RCL1: variants seen among roughly 807,000 people sequenced by gnomAD.
The protein encoded by RCL1 is RNA 3'-terminal phosphate cyclase-like protein.
RCL1 carries 24 observed loss-of-function variants against 42.4 expected under a neutral mutation model. The observed-to-expected ratio is 0.57, with a 90% CI of 0.41 to 0.80. RCL1 has a LOEUF of 0.80. Among genes scored for constraint, RCL1 ranks in the 30% least tolerant of loss-of-function variants. The pLI, the probability that RCL1 is intolerant of heterozygous loss-of-function variation, is 0.00. For synonymous variants in RCL1, 228 were observed against 177.3 expected (o/e 1.29, Z -2.27); for missense variants, 578 against 467.9 (o/e 1.24, Z -2.17).
chr9:4,793,897 C>A (rs17661798), intron 1 of RCL1, among the ~76,000 whole-genome samples: 7,361 of 152,296 alleles, frequency 0.048, 265 homozygotes, highest in Admixed American at 0.075. Flanking sequence ...CGGTGACAAT[C>A]GCTAAACTGC....
rs139360857 is a variant in RCL1, at chr9:4,811,701, C to T, written c.137-11847C>T. On this transcript the variant is annotated intron_variant, in intron 1 of 8. Coordinates refer to ENST00000381750, the MANE Select transcript of RCL1 (RefSeq NM_005772.5). The stretch of plus-strand genomic sequence containing the variant: ...TATCTCATTGACATTGATTTCTTTC[C>T]TTTTGGTATATACCTAGTAATGGGA... Among the ~76,000 whole-genome samples, 870 of 152,206 alleles carry T rather than the reference C, an allele frequency of 5.7e-3. 15 individuals carry two copies. The highest frequency in any genetic ancestry group is 0.041 in the Admixed American group (628 of 15,282).
intron 3 of RCL1, among the ~76,000 whole-genome samples, chr9:4,830,518 G>C (rs1816909639): frequency 6.6e-6 from 1 of 152,166 alleles, no homozygotes; most frequent in Admixed American, 6.5e-5. Context: ...AGAAGTTTTA[G>C]AAGGTCTCCT....
intron 2 of RCL1, among the ~76,000 whole-genome samples, chr9:4,824,294 C>G (rs1316385947): frequency 6.6e-6 from 1 of 151,922 alleles, no homozygotes; most frequent in Non-Finnish European, 1.5e-5. Context: ...TAGCCACTGT[C>G]ACAGCATTTG....
At chr9:4,814,946 A>G (rs570587460) in intron 1 of RCL1, among the ~76,000 whole-genome samples, 3 of 151,614 alleles carry the variant, frequency 2.0e-5, no homozygotes, top group South Asian at 2.1e-4. Context: ...TTATTCTCTC[A>G]TGGTCTATAA....
At chr9:4,816,637 A>C (rs1816387664) in intron 1 of RCL1, among the ~76,000 whole-genome samples, 1 of 152,102 alleles carries the variant, frequency 6.6e-6, no homozygotes, top group Non-Finnish European at 1.5e-5. Flanking sequence ...TAATCACAGT[A>C]GTAATTTTAA....
Position 4,793,027 on chromosome 9 carries a change from C to G in RCL1, c.-65C>G. On this transcript the variant is annotated 5_prime_UTR_variant, in exon 1 of 9. Transcript: ENST00000381750. ...GCCGCCACCACCACCATCGGAGTCA[C>G]GAGTCCCGCGTCTGTCCGAAGTCGC... is the stretch of plus-strand genomic sequence containing the variant. 1.3e-6 allele frequency: 2 copies of G among 1,539,802 alleles called. No individual in the cohort carries two copies. Among genetic ancestry groups the G allele is most frequent in the East Asian group, 2.5e-5 (1 of 40,664 alleles).
At chr9:4,823,734 C>A in intron 2 of RCL1, 115 bp downstream of exon 2, 1 of 668,206 alleles carries the variant, frequency 1.5e-6, no homozygotes, top group Non-Finnish European at 2.6e-6. Context: ...CCAAATCACT[C>A]TTTTTAATGG....
intron 8 of RCL1, among the ~76,000 whole-genome samples, chr9:4,855,781 G>A (rs117137578): frequency 0.018 from 2,780 of 152,254 alleles, 21 homozygotes; most frequent in African/African-American, 0.021. Context: ...ACAGGCTGAG[G>A]AGTTGGCAGA....
At chr9:4,802,404 C>A (rs750131456) in intron 1 of RCL1, among the ~76,000 whole-genome samples, 2 of 152,140 alleles carry the variant, frequency 1.3e-5, no homozygotes, top group Non-Finnish European at 2.9e-5. Flanking sequence ...AATATTTTGA[C>A]AAGAATTATA....
At chr9:4,795,771 G>T (rs537488023) in intron 1 of RCL1, among the ~76,000 whole-genome samples, 3 of 152,154 alleles carry the variant, frequency 2.0e-5, no homozygotes, top group African/African-American at 7.2e-5. Context: ...GGAGGCTTTC[G>T]GCCTCAGGAA....
chr9:4,848,487 C>T (rs1817595942), intron 7 of RCL1, among the ~76,000 whole-genome samples: 1 of 152,190 alleles, frequency 6.6e-6, no homozygotes, highest in Non-Finnish European at 1.5e-5. Context: ...AACCACACTG[C>T]TGGCCACCTA....
At chr9:4,836,941 C>T (rs1208867783) in intron 5 of RCL1, among the ~76,000 whole-genome samples, 1 of 152,140 alleles carries the variant, frequency 6.6e-6, no homozygotes, top group Non-Finnish European at 1.5e-5. Context: ...CTCTGCATGG[C>T]TGTCCCCCAG....
intron 1 of RCL1, among the ~76,000 whole-genome samples, chr9:4,795,391 T>G (rs1842898124): frequency 6.6e-6 from 1 of 152,168 alleles, no homozygotes; most frequent in Admixed American, 6.5e-5. Flanking sequence ...CCTGTCTGCT[T>G]AATTTCTTAC....
intron 6 of RCL1, among the ~76,000 whole-genome samples, chr9:4,842,657 C>A (rs1390571875): frequency 1.3e-5 from 2 of 152,158 alleles, no homozygotes; most frequent in African/African-American, 4.8e-5. Context: ...GCCATTAATA[C>A]CTTGCTTGTC....
intron 3 of RCL1, among the ~76,000 whole-genome samples, chr9:4,829,524 A>T (rs960482961): frequency 3.3e-4 from 50 of 152,270 alleles, no homozygotes; most frequent in Admixed American, 2.7e-3. Flanking sequence ...CCATATAAGG[A>T]TTTCCAGTTG....
chr9:4,857,345 A>G (rs2129751499), intron 8 of RCL1, among the ~76,000 whole-genome samples: 1 of 152,266 alleles, frequency 6.6e-6, no homozygotes, highest in South Asian at 2.1e-4. Context: ...CATATTGTGT[A>G]GATAGAATCA....
At chr9:4,815,174 C>G (rs1816326807) in intron 1 of RCL1, among the ~76,000 whole-genome samples, 1 of 152,152 alleles carries the variant, frequency 6.6e-6, no homozygotes, top group East Asian at 1.9e-4. Context: ...GCCTTGGGAG[C>G]TTTTCACCTA....
intron 7 of RCL1, among the ~76,000 whole-genome samples, chr9:4,848,604 T>C (rs1817599779): frequency 6.6e-6 from 1 of 152,224 alleles, no homozygotes; most frequent in Non-Finnish European, 1.5e-5. Flanking sequence ...TCTTTGACTA[T>C]GTACAATATG....
chr9:4,795,224 C>A (rs1842895568), intron 1 of RCL1, among the ~76,000 whole-genome samples: 1 of 151,934 alleles, frequency 6.6e-6, no homozygotes, highest in African/African-American at 2.4e-5. Context: ...ATTACAGGTG[C>A]CTGCCACCAT....
Sources: gnomAD v4.1 joint callset for allele counts (sites outside exome capture counted in the v4.1 genomes callset) on GRCh38, gnomAD v4.1.1 for gene constraint, MANE v1.5 for transcripts, NCBI Gene and HGNC (gene_info 2026-07-23, HGNC 2026-07-21) for gene names.